Variants in ACOXL observed in about 807,000 individuals in gnomAD.
The protein encoded by ACOXL is acyl-coenzyme A oxidase-like protein.
ACOXL carries 70 observed loss-of-function variants against 71.9 expected under a neutral mutation model. The observed-to-expected ratio is 0.97, with a 90% CI of 0.80 to 1.19. ACOXL has a LOEUF of 1.19. ACOXL is among the 50% of genes most tolerant of loss of function. The probability of loss-of-function intolerance (pLI) is 0.00; values close to 1 mark genes in which losing one functional copy is unlikely to be tolerated. For synonymous variants in ACOXL, 253 were observed against 281.6 expected (o/e 0.90, Z 1.02); for missense variants, 703 against 736.3 (o/e 0.95, Z 0.52).
chr2:111,102,881 A>C (rs1317022315), intron 17 of ACOXL, among the ~76,000 whole-genome samples: 1 of 152,160 alleles, frequency 6.6e-6, no homozygotes, highest in Non-Finnish European at 1.5e-5. Flanking sequence ...TTCTGATGGT[A>C]AGTTACCTTT....
At chr2:110,741,954 C>T (rs777018316) in intron 1 of ACOXL, among the ~76,000 whole-genome samples, 18 of 152,166 alleles carry the variant, frequency 1.2e-4, no homozygotes, top group Admixed American at 5.9e-4. Flanking sequence ...CGTTTTCTTG[C>T]GAGTCTCACA....
At chr2:111,020,017 C>T (rs1348838139) in intron 14 of ACOXL, among the ~76,000 whole-genome samples, 1 of 152,188 alleles carries the variant, frequency 6.6e-6, no homozygotes, top group Non-Finnish European at 1.5e-5. Context: ...CATGCCACCA[C>T]ACCCAGCTAA....
chr2:110,948,130 T>A (rs886914106), intron 12 of ACOXL, among the ~76,000 whole-genome samples: 3 of 152,226 alleles, frequency 2.0e-5, no homozygotes, highest in East Asian at 1.9e-4. Context: ...GTGAAAAAAA[T>A]ATCTACAAAA....
chr2:111,098,629 A>C (rs1308712956), intron 17 of ACOXL: 1 of 152,240 alleles, frequency 6.6e-6, no homozygotes, highest in African/African-American at 2.4e-5. Context: ...TATAGTTATT[A>C]GTAATGCATT....
At chr2:111,003,791 A>T (rs1157675954) in intron 14 of ACOXL, among the ~76,000 whole-genome samples, 2 of 152,188 alleles carry the variant, frequency 1.3e-5, no homozygotes, top group African/African-American at 4.8e-5. Flanking sequence ...AATTCAAATA[A>T]ATATTCATTA....
At chr2:110,968,491 A>G (rs1450603246) in intron 12 of ACOXL, 4 of 1,321,908 alleles carry the variant, frequency 3.0e-6, no homozygotes, top group African/African-American at 2.9e-5. Context: ...AGATGCTTAC[A>G]AGAAACAGTT....
intron 16 of ACOXL, among the ~76,000 whole-genome samples, chr2:111,085,527 T>G (rs1052212991): frequency 1.3e-5 from 2 of 152,088 alleles, no homozygotes; most frequent in Non-Finnish European, 2.9e-5. Flanking sequence ...TCTTTGAAAC[T>G]AATGAGAACA....
intron 16 of ACOXL, among the ~76,000 whole-genome samples, chr2:111,051,579 C>T (rs1005054154): frequency 4.6e-5 from 7 of 152,174 alleles, no homozygotes; most frequent in African/African-American, 1.7e-4. Context: ...AGGAATTCTC[C>T]TGTCTCAGCC....
Position 111,043,604 on chromosome 2 carries a change from A to C in ACOXL, c.1370-5614A>C, listed in dbSNP as rs577768976. Among the ~76,000 whole-genome samples, 22 of 152,248 alleles carry C rather than the reference A, an allele frequency of 1.4e-4. No individual in the cohort carries two copies. The East Asian group carries it at 3.9e-3, about 27-fold the overall frequency. On this transcript the variant is annotated intron_variant, in intron 15 of 17. Transcript: ENST00000439055. ...CATCGATAAGGGGCCCCTGGCCAGGAGCCTCAGATATGGCTGCTGGGGAGC... is the reference window on the plus strand; with the variant it reads ...CATCGATAAGGGGCCCCTGGCCAGGCGCCTCAGATATGGCTGCTGGGGAGC...
At chr2:110,853,324 A>C (rs1692843679) in intron 10 of ACOXL, among the ~76,000 whole-genome samples, 1 of 152,166 alleles carries the variant, frequency 6.6e-6, no homozygotes. Context: ...TATCTGGCCC[A>C]AAATGGGAAA....
intron 17 of ACOXL, chr2:111,094,327 T>C (rs2068694774): frequency 6.6e-6 from 1 of 152,244 alleles, no homozygotes; most frequent in Non-Finnish European, 1.5e-5. Context: ...AACTTACGAC[T>C]TAAAACAACC....
intron 12 of ACOXL, among the ~76,000 whole-genome samples, chr2:110,948,950 C>G (rs1403887895): frequency 6.6e-6 from 1 of 152,000 alleles, no homozygotes; most frequent in African/African-American, 2.4e-5. Context: ...TCACAGCAAC[C>G]CCCGAGACAC....
At chr2:110,762,910 GC>G (rs1573391527) in intron 1 of ACOXL, among the ~76,000 whole-genome samples, 1 of 152,130 alleles carries the variant, frequency 6.6e-6, no homozygotes, top group East Asian at 1.9e-4. Flanking sequence ...GCCCACCTCA[GC>G]CTCCCACAGT....
chr2:110,991,649 G>A (rs1237252838), intron 13 of ACOXL, among the ~76,000 whole-genome samples: 1 of 152,078 alleles, frequency 6.6e-6, no homozygotes, highest in Non-Finnish European at 1.5e-5. Context: ...ATAGCCATTG[G>A]GATGACGTGA....
chr2:111,090,672 G>A (rs924810941), intron 16 of ACOXL, among the ~76,000 whole-genome samples: 1 of 152,210 alleles, frequency 6.6e-6, no homozygotes, highest in African/African-American at 2.4e-5. Context: ...ACCATCATTT[G>A]GGAACAGCCT....
intron 15 of ACOXL, among the ~76,000 whole-genome samples, chr2:111,047,685 A>T (rs1319641514): frequency 1.3e-5 from 2 of 152,222 alleles, no homozygotes; most frequent in Admixed American, 6.5e-5. Flanking sequence ...CTCAATGTAC[A>T]AGTTTCTGCT....
chr2:111,054,757 A>C (rs1005403452), intron 16 of ACOXL, among the ~76,000 whole-genome samples: 1 of 152,194 alleles, frequency 6.6e-6, no homozygotes, highest in African/African-American at 2.4e-5. Flanking sequence ...CTGGCAACCA[A>C]AAATCTCCAA....
At chr2:110,883,386 A>G (rs765731991) in intron 10 of ACOXL, among the ~76,000 whole-genome samples, 86 of 152,152 alleles carry the variant, frequency 5.7e-4, no homozygotes, top group Non-Finnish European at 1.1e-3. Flanking sequence ...CTGGGAATAC[A>G]GGCATGAGCC....
intron 1 of ACOXL, among the ~76,000 whole-genome samples, chr2:110,767,444 C>T (rs116400724): frequency 0.034 from 5,224 of 152,266 alleles, 137 homozygotes; most frequent in African/African-American, 0.071. Flanking sequence ...AGACACAGTA[C>T]AGTGATGACA....
Sources: allele counts gnomAD v4.1 joint callset (sites outside exome capture counted in the v4.1 genomes callset), GRCh38; gene constraint gnomAD v4.1.1; transcripts MANE v1.5; gene names NCBI Gene and HGNC (gene_info 2026-07-23, HGNC 2026-07-21).